The following RHOJ variants were observed in gnomAD, a reference collection of about 807,000 sequenced individuals.
RHOJ encodes the protein ras homolog family member J.
Under a neutral mutation model 23.4 loss-of-function variants are expected in RHOJ, and 11 were observed. The ratio of observed to expected loss-of-function variants is 0.47; its 90% CI spans 0.30 to 0.78. RHOJ has a LOEUF of 0.78. Ranked by LOEUF, RHOJ falls within the 30% of genes least tolerant of loss-of-function variation. RHOJ has a pLI of 0.08. For synonymous variants in RHOJ, 102 were observed against 102.7 expected, an observed-to-expected ratio of 0.99 and a Z score of 0.04; for missense variants, 254 against 273.4, an observed-to-expected ratio of 0.93 and a Z score of 0.50.
intron 1 of RHOJ, among the ~76,000 whole-genome samples, chr14:63,217,510 T>C (rs3951037): frequency 0.29 from 43,324 of 151,280 alleles, 7,629 homozygotes; most frequent in African/African-American, 0.49. Flanking sequence ...AAACTGGATC[T>C]CTTCCTTACA....
intron 2 of RHOJ, among the ~76,000 whole-genome samples, chr14:63,272,013 T>C (rs899843489): frequency 6.6e-6 from 1 of 152,262 alleles, no homozygotes; most frequent in African/African-American, 2.4e-5. Context: ...ATGTTAGAAC[T>C]GCAGAATCTC....
intron 1 of RHOJ, among the ~76,000 whole-genome samples, chr14:63,224,135 T>C (rs550360755): frequency 3.3e-5 from 5 of 152,338 alleles, no homozygotes; most frequent in Non-Finnish European, 5.9e-5. Flanking sequence ...TGTTATTGTT[T>C]CTTATGAGTA....
At chr14:63,245,769 T>A (rs1894965941) in intron 1 of RHOJ, among the ~76,000 whole-genome samples, 2 of 152,096 alleles carry the variant, frequency 1.3e-5, no homozygotes, top group Non-Finnish European at 2.9e-5. Flanking sequence ...AACTGAAGGG[T>A]CTGGGACACT....
In RHOJ at chr14:63,291,234, C is replaced by T. The variant is rs747891249; in HGVS notation, c.*210C>T. 10 of 596,270 alleles carry T rather than the reference C, an allele frequency of 1.7e-5. No homozygotes were observed. The highest frequency in any genetic ancestry group is 6.0e-5 in the East Asian group (2 of 33,612). 36.9% of individuals were successfully genotyped at this position (596,270 alleles called of 1,614,324 possible). ...GCCAGCCAGAAGCATCCGTACTGCA[C>T]GCTGTCTGAGAATGCTGGGCCTGGA... On this transcript the variant is annotated 3_prime_UTR_variant, in exon 5 of 5. Transcript: ENST00000316754.
At chr14:63,254,473 G>A (rs1406060576) in intron 1 of RHOJ, among the ~76,000 whole-genome samples, 1 of 152,130 alleles carries the variant, frequency 6.6e-6, no homozygotes, top group Non-Finnish European at 1.5e-5. Context: ...CATTCATTCA[G>A]CAAACCTCGT....
chr14:63,265,795 G>C (rs1895356813), intron 1 of RHOJ, among the ~76,000 whole-genome samples: 1 of 152,168 alleles, frequency 6.6e-6, no homozygotes, highest in Non-Finnish European at 1.5e-5. Context: ...AAAGGCCAAG[G>C]GCTTCCAAGT....
At chr14:63,255,583 C>CCTGATTCAAATGCA (rs2139644541) in intron 1 of RHOJ, among the ~76,000 whole-genome samples, 2 of 150,366 alleles carry the variant, frequency 1.3e-5, no homozygotes, top group East Asian at 4.0e-4. Context: ...CCAGCCTTAC[C>CCTGATTCAAATGCA]CTCCCCCACT....
chr14:63,275,503 C>G (rs1052468506), intron 2 of RHOJ, among the ~76,000 whole-genome samples: 1 of 152,124 alleles, frequency 6.6e-6, no homozygotes, highest in Non-Finnish European at 1.5e-5. Flanking sequence ...TTTCGTGTTT[C>G]ATAATCACCC....
rs151056501 is a variant in RHOJ at position 63,224,709 on chromosome 14, C to T, written c.178+19662C>T. 6.0e-3 allele frequency among the ~76,000 whole-genome samples: 919 copies of T among 152,272 alleles called. 6 individuals carry two copies. The highest frequency in any genetic ancestry group is 9.0e-3 in the Non-Finnish European group (615 of 68,010). On this transcript the variant is annotated intron_variant, in intron 1 of 4. Transcript: ENST00000316754. ...AATTAATAAGCACAATGAGTTCCTA[C>T]TAGGATAGATCCAGAATTTAGTTAT...
chr14:63,255,039 T>C (rs1161854907), intron 1 of RHOJ, among the ~76,000 whole-genome samples: 1 of 152,174 alleles, frequency 6.6e-6, no homozygotes, highest in Non-Finnish European at 1.5e-5. Context: ...GTTGAGGCCA[T>C]GATCCCCTTA....
rs867432860 is a variant in RHOJ, at chr14:63,209,849, G to A, written c.178+4802G>A. On this transcript the variant is annotated intron_variant, in intron 1 of 4. Coordinates refer to ENST00000316754, the MANE Select transcript of RHOJ (RefSeq NM_020663.5). ...TGTTTAGGAATGAACATACAAAAAT[G>A]TTTATTATATTTATTATATTTCTGA... Among the ~76,000 whole-genome samples, 11 of 149,890 alleles carry A rather than the reference G, an allele frequency of 7.3e-5. No individual in the cohort carries two copies. In the South Asian group the frequency reaches 2.3e-3, roughly 31 times the overall value.
intron 2 of RHOJ, among the ~76,000 whole-genome samples, chr14:63,269,639 C>T (rs8015060): frequency 6.6e-6 from 1 of 152,084 alleles, no homozygotes; most frequent in South Asian, 2.1e-4. Flanking sequence ...AGATGGATTA[C>T]GTGTTGGAAG....
intron 1 of RHOJ, among the ~76,000 whole-genome samples, chr14:63,262,423 A>G (rs944254668): frequency 6.6e-6 from 1 of 152,256 alleles, no homozygotes; most frequent in South Asian, 2.1e-4. Flanking sequence ...AAGAGAGTAA[A>G]GAGTTTAATG....
chr14:63,284,461 C>A, intron 4 of RHOJ: 1 of 575,570 alleles, frequency 1.7e-6, no homozygotes, highest in Non-Finnish European at 2.2e-6. Context: ...TCTCAGCTTA[C>A]AGATGAGGAA....
intron 1 of RHOJ, among the ~76,000 whole-genome samples, chr14:63,237,948 C>A (rs1406826385): frequency 4.6e-5 from 7 of 152,204 alleles, no homozygotes; most frequent in African/African-American, 1.7e-4. Flanking sequence ...TGTTCTCCCA[C>A]CCTGCTCTGT....
intron 4 of RHOJ, among the ~76,000 whole-genome samples, chr14:63,286,497 G>T (rs1037369579): frequency 3.3e-5 from 5 of 152,150 alleles, no homozygotes; most frequent in African/African-American, 9.7e-5. Context: ...ACATGCAAAG[G>T]CATCCTTTAA....
At chr14:63,255,280 G>A (rs918262682) in intron 1 of RHOJ, among the ~76,000 whole-genome samples, 5 of 152,086 alleles carry the variant, frequency 3.3e-5, no homozygotes, top group Non-Finnish European at 7.4e-5. Context: ...GACTAGTGAT[G>A]GGGCAAGGAT....
At position 63,205,012 on chromosome 14, in the gene RHOJ, A is replaced by T. The variant is rs149060300; in HGVS notation, c.143A>T (p.Glu48Val). ...LMSYANDAFPEEYVPTVFDHY... is the reference protein window; with the variant it reads ...LMSYANDAFPVEYVPTVFDHY... ...AGCTACGCCAACGACGCCTTCCCAGAGGAATACGTGCCCACTGTGTTTGAC... is the reference window on the plus strand; with the variant it reads ...AGCTACGCCAACGACGCCTTCCCAGTGGAATACGTGCCCACTGTGTTTGAC... The change falls in exon 1 of 5, where the codon GAG (glutamate) becomes GTG (valine). Residue 48 changes from glutamate to valine, a missense_variant. Glu to Val is a moderately radical substitution (Grantham distance 121, BLOSUM62 -2). Coordinates refer to ENST00000316754, the MANE Select transcript of RHOJ (RefSeq NM_020663.5). 25 of 1,614,236 alleles carry T rather than the reference A, an allele frequency of 1.5e-5. No individual in the cohort carries two copies. In the South Asian group the frequency reaches 2.6e-4, roughly 17 times the overall value.
At chr14:63,270,753 T>C (rs1221694546) in intron 2 of RHOJ, among the ~76,000 whole-genome samples, 1 of 152,194 alleles carries the variant, frequency 6.6e-6, no homozygotes, top group East Asian at 1.9e-4. Context: ...TAATCCTGTT[T>C]GAAAAGTTCA....
Sources: allele counts gnomAD v4.1 joint callset (sites outside exome capture counted in the v4.1 genomes callset), GRCh38; gene constraint gnomAD v4.1.1; transcripts MANE v1.5; gene names NCBI Gene and HGNC (gene_info 2026-07-23, HGNC 2026-07-21).